Variants in NDUFAF6 observed in about 807,000 individuals in gnomAD.
NDUFAF6 encodes the protein NADH dehydrogenase (ubiquinone) complex I, assembly factor 6.
A neutral mutation model predicts 40.8 loss-of-function variants in NDUFAF6; 45 were observed. The ratio of observed to expected loss-of-function variants is 1.10; its 90% confidence interval spans 0.87 to 1.42. NDUFAF6 has a LOEUF of 1.42. Among genes scored for constraint, NDUFAF6 ranks in the 40% most tolerant of loss-of-function variants. The pLI is 0.00. For synonymous variants in NDUFAF6, 185 were observed against 155.9 expected (o/e 1.19, Z -1.39); for missense variants, 435 against 418.5 (o/e 1.04, Z -0.34).
intron 1 of NDUFAF6, chr8:94,928,028 C>T (rs1820051274): frequency 6.6e-6 from 1 of 152,244 alleles, no homozygotes; most frequent in Non-Finnish European, 1.5e-5. Flanking sequence ...TGCCTAACAT[C>T]TAATAACCAA....
At chr8:95,070,787 C>T (rs1832823582) in intron 9 of NDUFAF6, among the ~76,000 whole-genome samples, 1 of 152,140 alleles carries the variant, frequency 6.6e-6, no homozygotes, top group Admixed American at 6.5e-5. Context: ...TATCACAGTT[C>T]ACTTCTATGG....
rs570819382 is a variant in NDUFAF6, at chr8:95,082,061, C to G, written n.213+6309C>G. 3.3e-5 allele frequency among the ~76,000 whole-genome samples: 5 copies of G among 151,304 alleles called. No individual in the cohort carries two copies. In the East Asian group the frequency reaches 7.8e-4, roughly 23 times the overall value. ...CCTGGGTGACAGAGTGAGACTCCGT[C>G]TCAAAAAAAAACAACAAAAAAAAAA... is the stretch of plus-strand genomic sequence containing the variant. On this transcript the variant is annotated intron_variant and non_coding_transcript_variant, in intron 2 of 5. Transcript: ENST00000523184.
Position 94,963,615 on chromosome 8 carries a change from C to T in NDUFAF6, c.-199+5436C>T, listed in dbSNP as rs142553275. On this transcript the variant is annotated intron_variant, in intron 1 of 9. Coordinates refer to the NDUFAF6 transcript ENST00000396111. ...GCTGGAGACGGGTTGGAACAAGGGC[C>T]GTAGCCAGACATCTAACTAGGTAAT... Among the ~76,000 whole-genome samples the T allele has an allele frequency of 5.3e-5, 8 of 152,294 alleles. No individual in the cohort carries two copies. In the East Asian group the frequency reaches 1.3e-3, roughly 26 times the overall value.
At chr8:94,981,136 A>G (rs1825411096) in intron 2 of NDUFAF6, among the ~76,000 whole-genome samples, 1 of 152,190 alleles carries the variant, frequency 6.6e-6, no homozygotes, top group Non-Finnish European at 1.5e-5. Flanking sequence ...TTAAGAGATG[A>G]TTAGATGGTT....
intron 2 of NDUFAF6, among the ~76,000 whole-genome samples, chr8:94,982,580 C>G (rs946740176): frequency 1.3e-5 from 2 of 152,194 alleles, no homozygotes; most frequent in Non-Finnish European, 2.9e-5. Context: ...AACCCAACTC[C>G]TATTTCTGAT....
downstream of NDUFAF6, among the ~76,000 whole-genome samples, chr8:95,106,375 A>C (rs1162547028): frequency 6.6e-6 from 1 of 152,210 alleles, no homozygotes; most frequent in Non-Finnish European, 1.5e-5. Context: ...AAAAACAAGA[A>C]ATGGGGAAAG....
rs549046527 is a variant in NDUFAF6, at chr8:94,969,905, C to T, written c.-198-10954C>T. On this transcript the variant is annotated intron_variant, in intron 1 of 9. Transcript: ENST00000396111. Reference sequence around the variant, plus strand: ...ACAGTTTGAAAAGGAGGAACTACAACTAGTAAACAAAGATAAAGAAAACTG... The same window carrying T: ...ACAGTTTGAAAAGGAGGAACTACAATTAGTAAACAAAGATAAAGAAAACTG... Among the ~76,000 whole-genome samples, 5 of 152,144 alleles carry T rather than the reference C, an allele frequency of 3.3e-5. No homozygotes were observed. The East Asian group carries it at 9.6e-4, about 29-fold the overall frequency.
At chr8:94,924,781 T>C (rs911335838) in intron 1 of NDUFAF6, among the ~76,000 whole-genome samples, 74 of 152,158 alleles carry the variant, frequency 4.9e-4, no homozygotes, top group African/African-American at 1.7e-3. Context: ...CTCACTCTGT[T>C]GCCCAGGCTG....
chr8:94,941,025 C>T (rs770119283), intron 1 of NDUFAF6: 37 of 977,432 alleles, frequency 3.8e-5, no homozygotes, highest in Middle Eastern at 2.1e-4. Context: ...CCAATGGTAC[C>T]GACAGGAGAT....
chr8:95,022,475 G>A (rs947935327), upstream of NDUFAF6, among the ~76,000 whole-genome samples: 1 of 150,786 alleles, frequency 6.6e-6, no homozygotes. Flanking sequence ...TGTGAAAAAG[G>A]AAGCATCTCA....
chr8:95,020,184 A>C (rs1480629073), upstream of NDUFAF6, among the ~76,000 whole-genome samples: 1 of 152,146 alleles, frequency 6.6e-6, no homozygotes, highest in African/African-American at 2.4e-5. Context: ...GGGCGACAAG[A>C]GTGAAACTTT....
chr8:94,990,764 A>G (rs1731549939), intron 2 of NDUFAF6, among the ~76,000 whole-genome samples: 1 of 152,234 alleles, frequency 6.6e-6, no homozygotes, highest in African/African-American at 2.4e-5. Context: ...AACTTGACAA[A>G]TGAGACTTCC....
chr8:94,902,042 T>G (rs1818051867), intron 1 of NDUFAF6, among the ~76,000 whole-genome samples: 1 of 151,998 alleles, frequency 6.6e-6, no homozygotes, highest in African/African-American at 2.4e-5. Flanking sequence ...TATTTTCTGG[T>G]GCATTTCAAA....
chr8:94,956,133 G>T (rs1429142314), upstream of NDUFAF6, among the ~76,000 whole-genome samples: 2 of 152,034 alleles, frequency 1.3e-5, no homozygotes, highest in Non-Finnish European at 2.9e-5. Flanking sequence ...ATAAAATGGG[G>T]ATGATTAGAA....
At chr8:94,974,024 G>C (rs914255243) in intron 1 of NDUFAF6, among the ~76,000 whole-genome samples, 1 of 152,052 alleles carries the variant, frequency 6.6e-6, no homozygotes, top group Non-Finnish European at 1.5e-5. Flanking sequence ...ATGAAAGTGA[G>C]GAAAACAAAT....
At chr8:94,900,341 G>A (rs1014823178) in intron 1 of NDUFAF6, among the ~76,000 whole-genome samples, 6 of 152,028 alleles carry the variant, frequency 3.9e-5, no homozygotes, top group Non-Finnish European at 1.5e-5. Context: ...CACCTTGGAG[G>A]GCTCAGCAGG....
chr8:95,075,534 C>A, intron 9 of NDUFAF6: 1 of 998,370 alleles, frequency 1.0e-6, no homozygotes, highest in African/African-American at 1.7e-5. Flanking sequence ...GGATTTTATC[C>A]TCCCCAGGCC....
At position 95,056,847 on chromosome 8, in the gene NDUFAF6, A is replaced by G. The variant is rs12334596; in HGVS notation, c.874-962A>G. Among the ~76,000 whole-genome samples, 1,039 of 151,238 alleles carry G rather than the reference A, an allele frequency of 6.9e-3. 13 individuals carry two copies. Among genetic ancestry groups the G allele is most frequent in the African/African-American group, 0.023 (967 of 41,162 alleles). ...TTTGAACCCAGGAGGCGGAGGTTGC[A>G]GTGAGCCGAGATCATGCCACTGCAC... On this transcript the variant is annotated intron_variant, in intron 8 of 8. Transcript: ENST00000396124.
At chr8:94,898,990 A>T (rs1054682797) in intron 1 of NDUFAF6, among the ~76,000 whole-genome samples, 2 of 152,268 alleles carry the variant, frequency 1.3e-5, no homozygotes, top group African/African-American at 4.8e-5. Context: ...CAAGAAAGGA[A>T]TAAAACATTT....
Sources: gnomAD v4.1 joint callset for allele counts (sites outside exome capture counted in the v4.1 genomes callset) on GRCh38, gnomAD v4.1.1 for gene constraint, MANE v1.5 for transcripts, NCBI Gene and HGNC (gene_info 2026-07-23, HGNC 2026-07-21) for gene names.